The following GALNTL6 variants were observed in gnomAD, a reference collection of about 807,000 sequenced individuals.
The protein encoded by GALNTL6 is polypeptide N-acetylgalactosaminyltransferase like 6, also known as polypeptide N-acetylgalactosaminyltransferase-like 6.
In GALNTL6, 46 loss-of-function variants were observed where a neutral mutation model predicts 73.7. The observed-to-expected ratio is 0.62, with a 90% CI of 0.49 to 0.80. The LOEUF is 0.80. Ranked by LOEUF, GALNTL6 falls within the 30% of genes least tolerant of loss-of-function variation. GALNTL6 has a pLI of 0.00. For missense variants in GALNTL6, 604 were observed against 755.0 expected, an observed-to-expected ratio of 0.80 and a Z score of 2.34; for synonymous variants, 259 against 263.7, an observed-to-expected ratio of 0.98 and a Z score of 0.17.
At chr4:172,203,469 C>T (rs901464392) in intron 2 of GALNTL6, among the ~76,000 whole-genome samples, 5 of 152,122 alleles carry the variant, frequency 3.3e-5, no homozygotes, top group Non-Finnish European at 5.9e-5. Flanking sequence ...TTAAATATTA[C>T]AGACCTTTGT....
chr4:171,869,523 T>C (rs1194791978), intron 2 of GALNTL6, among the ~76,000 whole-genome samples: 1 of 152,210 alleles, frequency 6.6e-6, no homozygotes, highest in African/African-American at 2.4e-5. Context: ...TTTACCCATA[T>C]ATTATACCTT....
At chr4:172,919,345 C>A (rs1309812578) in intron 8 of GALNTL6, among the ~76,000 whole-genome samples, 1 of 152,112 alleles carries the variant, frequency 6.6e-6, no homozygotes, top group Non-Finnish European at 1.5e-5. Flanking sequence ...CCATTTCATT[C>A]CCTCTCACGG....
intron 5 of GALNTL6, among the ~76,000 whole-genome samples, chr4:172,691,118 C>T (rs1733257252): frequency 6.6e-6 from 1 of 152,076 alleles, no homozygotes; most frequent in South Asian, 2.1e-4. Flanking sequence ...TGGAGGAGGA[C>T]AACATTATAG....
intron 5 of GALNTL6, among the ~76,000 whole-genome samples, chr4:172,372,976 G>T (rs1055116687): frequency 9.2e-5 from 14 of 151,948 alleles, no homozygotes; most frequent in Non-Finnish European, 2.1e-4. Context: ...GCAAAGCTGG[G>T]CTTTCGACCT....
chr4:171,907,121 CA>C (rs1192022231), intron 2 of GALNTL6, among the ~76,000 whole-genome samples: 4 of 151,930 alleles, frequency 2.6e-5, no homozygotes, highest in Non-Finnish European at 5.9e-5. Flanking sequence ...TCCTATTCAA[CA>C]TAGTGTTGGA....
chr4:172,164,248 G>A (rs1734555604), intron 2 of GALNTL6, among the ~76,000 whole-genome samples: 1 of 151,948 alleles, frequency 6.6e-6, no homozygotes, highest in Non-Finnish European at 1.5e-5. Flanking sequence ...TATGAGATAC[G>A]ATGAATGGTA....
At chr4:172,149,945 G>T (rs1441278342) in intron 2 of GALNTL6, among the ~76,000 whole-genome samples, 1 of 152,172 alleles carries the variant, frequency 6.6e-6, no homozygotes, top group Non-Finnish European at 1.5e-5. Context: ...GCCACAAACT[G>T]CACAGAGCTA....
intron 5 of GALNTL6, among the ~76,000 whole-genome samples, chr4:172,599,562 G>A (rs1027404079): frequency 1.1e-4 from 17 of 152,162 alleles, no homozygotes; most frequent in African/African-American, 4.1e-4. Context: ...TAAAGGTATG[G>A]CTTTATCTTT....
chr4:172,574,865 A>C (rs948195659), intron 5 of GALNTL6, among the ~76,000 whole-genome samples: 1 of 152,116 alleles, frequency 6.6e-6, no homozygotes, highest in African/African-American at 2.4e-5. Flanking sequence ...ATTTTCCAAC[A>C]AATAAGATAT....
At chr4:172,251,236 G>A (rs1202761487) in intron 3 of GALNTL6, among the ~76,000 whole-genome samples, 3 of 151,996 alleles carry the variant, frequency 2.0e-5, no homozygotes, top group Non-Finnish European at 4.4e-5. Flanking sequence ...GCATAGGGAG[G>A]TTAGTCTTTG....
At chr4:172,657,484 G>A (rs749732798) in intron 5 of GALNTL6, among the ~76,000 whole-genome samples, 7 of 151,962 alleles carry the variant, frequency 4.6e-5, no homozygotes, top group African/African-American at 9.7e-5. Flanking sequence ...ATTTTGAAAG[G>A]CATAGTGAAA....
chr4:171,818,886 C>T (rs999583678), intron 2 of GALNTL6, among the ~76,000 whole-genome samples: 2 of 151,904 alleles, frequency 1.3e-5, no homozygotes, highest in Non-Finnish European at 2.9e-5. Flanking sequence ...TGCAGGGGAG[C>T]CTTCTTTTTG....
At chr4:172,678,964 G>T (rs1034941220) in intron 5 of GALNTL6, among the ~76,000 whole-genome samples, 5 of 152,130 alleles carry the variant, frequency 3.3e-5, no homozygotes, top group Non-Finnish European at 7.3e-5. Context: ...TACTCAATTT[G>T]TCCATAGCAA....
At chr4:172,614,384 G>T (rs1738641677) in intron 5 of GALNTL6, among the ~76,000 whole-genome samples, 1 of 152,108 alleles carries the variant, frequency 6.6e-6, no homozygotes, top group African/African-American at 2.4e-5. Context: ...CATCAGAGCA[G>T]CTTACAGATT....
chr4:172,423,273 A>G (rs948969813), intron 5 of GALNTL6, among the ~76,000 whole-genome samples: 11 of 151,980 alleles, frequency 7.2e-5, no homozygotes, highest in Non-Finnish European at 1.2e-4. Flanking sequence ...ACATCATATC[A>G]TTTCTCTGTG....
intron 5 of GALNTL6, among the ~76,000 whole-genome samples, chr4:172,586,732 C>T (rs1003381611): frequency 2.0e-5 from 3 of 152,110 alleles, no homozygotes; most frequent in African/African-American, 7.2e-5. Flanking sequence ...TTTGAAAGAG[C>T]ATTTATAGTA....
intron 5 of GALNTL6, among the ~76,000 whole-genome samples, chr4:172,444,519 A>G (rs186479502): frequency 6.2e-4 from 95 of 152,334 alleles, no homozygotes; most frequent in African/African-American, 2.1e-3. Context: ...GTTTGAAGCT[A>G]TAAAACATAG....
At chr4:172,839,877 AG>A (rs369277916) in intron 7 of GALNTL6, among the ~76,000 whole-genome samples, 44 of 152,340 alleles carry the variant, frequency 2.9e-4, no homozygotes, top group African/African-American at 7.5e-4. Context: ...TGAAAAGCAA[AG>A]ATTCTTTTTA....
intron 11 of GALNTL6, among the ~76,000 whole-genome samples, chr4:173,020,164 T>C (rs1752937364): frequency 6.6e-6 from 1 of 152,254 alleles, no homozygotes; most frequent in Non-Finnish European, 1.5e-5. Flanking sequence ...GGATTTCTCC[T>C]ACTGTACCTT....
Sources: allele counts gnomAD v4.1 joint callset (sites outside exome capture counted in the v4.1 genomes callset), GRCh38; gene constraint gnomAD v4.1.1; transcripts MANE v1.5; gene names NCBI Gene and HGNC (gene_info 2026-07-23, HGNC 2026-07-21).